Variants in CD63 observed in about 807,000 individuals in gnomAD.
CD63 encodes CD63 molecule, also known as CD63 antigen.
CD63 carries 16 observed loss-of-function variants against 29.2 expected under a neutral mutation model. That is an observed-to-expected ratio of 0.55 (90% CI 0.37 to 0.83). The LOEUF is 0.83. Ranked by LOEUF, CD63 falls within the 40% of genes least tolerant of loss-of-function variation. The pLI, the probability that CD63 is intolerant of heterozygous loss-of-function variation, is 0.00. For synonymous variants in CD63, 118 were observed against 111.7 expected, an observed-to-expected ratio of 1.06 and a Z score of -0.36; for missense variants, 251 against 297.3, an observed-to-expected ratio of 0.84 and a Z score of 1.15.
Position 55,728,854 on chromosome 12 carries a change from G to T in CD63, c.-12+99C>A. 1.0e-6 allele frequency: 1 copy of T among 989,808 alleles called. No homozygotes were observed. The highest frequency in any genetic ancestry group is 1.2e-6 in the Non-Finnish European group (1 of 832,548). The allele number at this position is 989,808 out of a possible 1,614,324, so 61.3% of individuals were successfully genotyped here. On this transcript the variant is annotated intron_variant, in intron 1 of 7. Transcript: ENST00000257857. The surrounding 1 kb of genome is among the most constrained non-coding windows in gnomAD (Gnocchi z 4.8). ...TGCTCCAGGGCGGCTGGAGAGCGCC[G>T]GACGAGTCTCCGCGGGCCTGGGGCG...
chr12:55,727,750 A>C, intron 2 of CD63: 1 of 1,031,324 alleles, frequency 9.7e-7, no homozygotes, highest in Non-Finnish European at 1.2e-6. Flanking sequence ...AGGCCAGGAG[A>C]AGGGAAGAGG....
intron 5 of CD63, 68 bp from the exon 6 acceptor site, chr12:55,726,329 GAATT>G (rs1170078206): frequency 4.0e-6 from 2 of 504,902 alleles, no homozygotes; most frequent in Non-Finnish European, 6.9e-6. Flanking sequence ...ATGGAGATGA[GAATT>G]CTTTTTTTTT....
chr12:55,723,873 G>A (rs1207469051), downstream of CD63: 5 of 1,612,806 alleles, frequency 3.1e-6, no homozygotes, highest in Non-Finnish European at 3.4e-6. Flanking sequence ...ACTTCGCTCT[G>A]CCCCGACTCT....
At chr12:55,724,191 A>G, downstream of CD63, 1 of 1,446,122 alleles carries the variant, frequency 6.9e-7, no homozygotes, top group South Asian at 1.2e-5. Context: ...TGCCCAGGCC[A>G]TGTGGAACCT....
intron 2 of CD63, chr12:55,727,540 TC>T (rs1877550913): frequency 7.8e-7 from 1 of 1,275,512 alleles, no homozygotes; most frequent in Non-Finnish European, 1.0e-6. Context: ...CCCTCCCGGC[TC>T]TTTAATCAGG....
Position 55,726,267 on chromosome 12 carries a change from G to A in CD63, c.427-6C>T. ...GCAGCCCCACAGCACTTAAACTGGGGGAGGGAAGAAATATGGAGAAGAAGG... is the reference window on the plus strand; with the variant it reads ...GCAGCCCCACAGCACTTAAACTGGGAGAGGGAAGAAATATGGAGAAGAAGG... On this transcript the variant is annotated splice_region_variant and splice_polypyrimidine_tract_variant and intron_variant, in intron 5 of 7. Transcript: ENST00000257857. The A allele has an allele frequency of 6.2e-7, 1 of 1,613,228 alleles. No homozygotes were observed. Among genetic ancestry groups the A allele is most frequent in the Non-Finnish European group, 8.5e-7 (1 of 1,179,590 alleles).
chr12:55,724,125 A>G (rs1877078749), downstream of CD63: 1 of 1,551,390 alleles, frequency 6.4e-7, no homozygotes, highest in East Asian at 2.3e-5. Flanking sequence ...TAAGCCTGCT[A>G]GGAGGTGGGT....
rs1877623264 is a variant in CD63, at chr12:55,728,180, AG to A, written c.66+95del. 2.6e-6 allele frequency: 3 copies of A among 1,133,286 alleles called. No individual in the cohort carries two copies. Among genetic ancestry groups the A allele is most frequent in the Non-Finnish European group, 3.9e-6 (3 of 768,034 alleles). 70.2% of individuals were successfully genotyped at this position (1,133,286 alleles called of 1,614,324 possible). ...GGCTTTCTTTCCACATCTGGTCTCC[AG>A]CTGCCTTAATTCTCATTCCCTCAGC... On this transcript the variant is annotated intron_variant, in intron 2 of 7. Coordinates refer to ENST00000257857, the MANE Select transcript of CD63 (RefSeq NM_001780.6). The surrounding 1 kb of genome is among the most constrained non-coding windows in gnomAD (Gnocchi z 4.8).
At chr12:55,727,522 C>T in intron 2 of CD63, 183 bp from the exon 3 acceptor site, 1 of 1,254,962 alleles carries the variant, frequency 8.0e-7, no homozygotes, top group Non-Finnish European at 1.0e-6. Flanking sequence ...CCCCTACCTC[C>T]CCTGATCCCC....
downstream of CD63, chr12:55,723,726 C>T (rs1024849105): frequency 1.2e-5 from 9 of 769,158 alleles, no homozygotes; most frequent in Admixed American, 2.2e-5. Context: ...ATACTTTCCT[C>T]CCTCTACCCC....
chr12:55,729,342 G>A (rs558525968), upstream of CD63: 4 of 160,382 alleles, frequency 2.5e-5, no homozygotes, highest in African/African-American at 4.8e-5. Context: ...CTCTGGTTCA[G>A]AGAAGCGGAC....
At chr12:55,724,426 C>T (rs146041022), downstream of CD63, 56 of 1,614,072 alleles carry the variant, frequency 3.5e-5, no homozygotes, top group Non-Finnish European at 4.5e-5. Flanking sequence ...CCCCCGAACC[C>T]GCTACAGCCC....
In CD63 at chr12:55,728,114, C is replaced by T. The variant is rs1019001595; in HGVS notation, c.66+162G>A. On this transcript the variant is annotated intron_variant, in intron 2 of 7. Transcript: ENST00000257857. This position sits in a 1 kb window ranked among gnomAD's most constrained non-coding sequence, Gnocchi z 4.8. ...TCGGTGGAAACAAGCCTCAGGTGTC[C>T]AGGAAAACTGGAGGAGGGAGTGGCT... Among the ~76,000 whole-genome samples the T allele has an allele frequency of 6.6e-6, 1 of 151,722 alleles. No homozygotes were observed. The highest frequency in any genetic ancestry group is 2.4e-5 in the African/African-American group (1 of 41,260).
downstream of CD63, among the ~76,000 whole-genome samples, chr12:55,724,914 T>C (rs1008523354): frequency 2.6e-5 from 4 of 152,146 alleles, no homozygotes; most frequent in Admixed American, 1.3e-4. Context: ...ATTCAGTGTC[T>C]GTACTGGGAA....
At chr12:55,726,310 A>ACCTTCAATATGGAGATG in intron 5 of CD63, 49 bp from the exon 6 acceptor site, 1 of 1,105,196 alleles carries the variant, frequency 9.0e-7, no homozygotes. Flanking sequence ...GTGAACCTTC[A>ACCTTCAATATGGAGATG]CCTTCAATAT....
downstream of CD63, chr12:55,724,421 G>A (rs756680042): frequency 6.2e-6 from 10 of 1,614,028 alleles, no homozygotes; most frequent in Admixed American, 3.3e-5. Context: ...CGACACCCCC[G>A]AACCCGCTAC....
At position 55,728,847 on chromosome 12, in the gene CD63, G is replaced by C; in HGVS notation, c.-12+106C>G. ...GCAAAGTTGCTCCAGGGCGGCTGGA[G>C]AGCGCCGGACGAGTCTCCGCGGGCC... is the stretch of plus-strand genomic sequence containing the variant. On this transcript the variant is annotated intron_variant, in intron 1 of 7. Coordinates refer to ENST00000257857, the MANE Select transcript of CD63 (RefSeq NM_001780.6). The surrounding 1 kb of genome is among the most constrained non-coding windows in gnomAD (Gnocchi z 4.8). 3.0e-6 allele frequency: 3 copies of C among 990,330 alleles called. No individual in the cohort carries two copies. Among genetic ancestry groups the C allele is most frequent in the Non-Finnish European group, 3.6e-6 (3 of 832,888 alleles). 61.3% of individuals were successfully genotyped at this position (990,330 alleles called of 1,614,324 possible).
At chr12:55,723,731 T>C, downstream of CD63, 1 of 808,094 alleles carries the variant, frequency 1.2e-6, no homozygotes, top group Non-Finnish European at 2.1e-6. Context: ...TTCCTCCCTC[T>C]ACCCCACTTG....
Position 55,727,154 on chromosome 12 carries a change from G to A in CD63, c.252C>T (p.Ile84=). The part of the protein sequence containing the change: ...GACKENYCLM[I]TFAIFLSLIM... Reference sequence around the variant, plus strand: ...GTTGGTCCCGCCCCCAACTCACCGTGATCATAAGACAATAGTTCTCCTTGC... The same window carrying A: ...GTTGGTCCCGCCCCCAACTCACCGTAATCATAAGACAATAGTTCTCCTTGC... Residue 84 remains isoleucine, a synonymous_variant, in exon 3 of 8, where the codon ATC becomes ATT. Coordinates refer to ENST00000257857, the MANE Select transcript of CD63 (RefSeq NM_001780.6). The A allele has an allele frequency of 1.9e-6, 3 of 1,612,730 alleles. No homozygotes were observed. Among genetic ancestry groups the A allele is most frequent in the Non-Finnish European group, 2.5e-6 (3 of 1,179,350 alleles).
Sources: gnomAD v4.1 joint callset for allele counts (sites outside exome capture counted in the v4.1 genomes callset) on GRCh38, gnomAD v4.1.1 for gene constraint, Gnocchi (gnomAD v3.1) non-coding constraint, MANE v1.5 for transcripts, NCBI Gene and HGNC (gene_info 2026-07-23, HGNC 2026-07-21) for gene names.